Variants in CIMAP1A observed in about 807,000 individuals in gnomAD.
CIMAP1A encodes cancer/testis antigen 135.
At chr11:197,511 G>A in the CIMAP1A span, 4 of 1,600,096 alleles carry the variant, frequency 2.5e-6, no homozygotes, top group African/African-American at 4.0e-5. Context: ...TCCCAGCGGG[G>A]AGAAGGGCAG....
At chr11:197,891 TTC>T in the CIMAP1A span, 2 of 1,486,386 alleles carry the variant, frequency 1.3e-6, no homozygotes, top group South Asian at 1.3e-5. Context: ...CGTCCCATCT[TTC>T]TCTCTTGAGG....
chr11:199,692 G>A, the CIMAP1A span: 1 of 1,436,352 alleles, frequency 7.0e-7, no homozygotes, highest in Non-Finnish European at 9.1e-7. Context: ...CCTGCACCCT[G>A]AGGACCCTGT....
the CIMAP1A span, chr11:198,525 G>A: frequency 1.2e-6 from 2 of 1,613,068 alleles, no homozygotes; most frequent in Non-Finnish European, 1.7e-6. Flanking sequence ...AGGCCTCCCA[G>A]CCCTCCTTTT....
At chr11:199,516 G>A in the CIMAP1A span, 1 of 1,552,134 alleles carries the variant, frequency 6.4e-7, no homozygotes, top group Non-Finnish European at 8.7e-7. Context: ...GAAGGTCCAG[G>A]AAGAGCACAG....
chr11:197,700 T>C, the CIMAP1A span: 5 of 1,613,660 alleles, frequency 3.1e-6, no homozygotes, highest in African/African-American at 1.3e-5. Flanking sequence ...GCAAGGACCT[T>C]GGCCCTGCCT....
At chr11:197,516 G>C in the CIMAP1A span, 8 of 1,602,432 alleles carry the variant, frequency 5.0e-6, no homozygotes, top group Non-Finnish European at 6.8e-6. Context: ...GCGGGGAGAA[G>C]GGCAGGTCAG....
the CIMAP1A span, chr11:198,623 C>T: frequency 6.4e-7 from 1 of 1,571,934 alleles, no homozygotes; most frequent in East Asian, 2.2e-5. Context: ...GAATCACCCC[C>T]AACCATCTGA....
the CIMAP1A span, chr11:199,576 G>C: frequency 7.4e-7 from 1 of 1,350,960 alleles, no homozygotes; most frequent in Middle Eastern, 2.7e-4. Context: ...GGATGTGTAG[G>C]AAAGAGCAGG....
chr11:199,346 T>A, the CIMAP1A span: 2 of 1,558,490 alleles, frequency 1.3e-6, no homozygotes, highest in Non-Finnish European at 1.7e-6. Context: ...GCCGAGTTGG[T>A]CTGAGCCTCC....
the CIMAP1A span, chr11:199,036 T>C: frequency 8.2e-7 from 1 of 1,224,160 alleles, no homozygotes. Context: ...ACAGCCCTCG[T>C]CCATGTTGAT....
chr11:199,079 G>A, the CIMAP1A span: 2 of 1,287,248 alleles, frequency 1.6e-6, no homozygotes, highest in Non-Finnish European at 2.0e-6. Context: ...GTCCAACAGG[G>A]CAGCAACAGC....
At chr11:198,422 G>A in the CIMAP1A span, 3 of 1,613,086 alleles carry the variant, frequency 1.9e-6, no homozygotes, top group Non-Finnish European at 2.5e-6. Context: ...GGAAGGAGCA[G>A]TGGGCCCTGT....
At chr11:197,574 C>A in the CIMAP1A span, 10 of 1,613,088 alleles carry the variant, frequency 6.2e-6, no homozygotes, top group Non-Finnish European at 2.5e-6. Flanking sequence ...TCATGAAGCA[C>A]ACGCCCACCA....
chr11:198,219 T>C, the CIMAP1A span: 3 of 1,613,918 alleles, frequency 1.9e-6, no homozygotes, highest in South Asian at 3.3e-5. Context: ...TCCAGAGAAA[T>C]CCACCAAGTA....
At chr11:197,320 T>G in the CIMAP1A span, 3 of 1,583,238 alleles carry the variant, frequency 1.9e-6, no homozygotes, top group East Asian at 2.3e-5. Context: ...GGAGGAGGTA[T>G]GGATGGGTAC....
the CIMAP1A span, chr11:198,658 A>G: frequency 1.3e-6 from 2 of 1,540,512 alleles, no homozygotes; most frequent in South Asian, 2.5e-5. Context: ...CCCAGGACCC[A>G]CCAGTTCGGC....
the CIMAP1A span, chr11:198,620 C>T: frequency 7.0e-6 from 11 of 1,573,320 alleles, no homozygotes; most frequent in Admixed American, 1.4e-4. Flanking sequence ...AGAGAATCAC[C>T]CCCAACCATC....
the CIMAP1A span, chr11:198,451 G>A: frequency 2.8e-5 from 45 of 1,613,112 alleles, no homozygotes; most frequent in Middle Eastern, 1.6e-4. Flanking sequence ...GAGGCTCCAC[G>A]TCCACCCTGC....
the CIMAP1A span, chr11:197,773 T>TGTCTCAGGCTCCTGCCCTGCGCA: frequency 6.2e-7 from 1 of 1,612,406 alleles, no homozygotes; most frequent in Non-Finnish European, 8.5e-7. Flanking sequence ...TTAGTGACCC[T>TGTCTCAGGCTCCTGCCCTGCGCA]GTCTCAGGCT....
Sources: gnomAD v4.1 joint callset for allele counts on GRCh38, gnomAD v4.1.1 for gene constraint, MANE v1.5 for transcripts, NCBI Gene and HGNC (gene_info 2026-07-23, HGNC 2026-07-21) for gene names.